Variants in BBX observed in about 807,000 individuals in gnomAD.
The protein encoded by BBX is BBX high mobility group box domain containing, also known as HMG box transcription factor BBX.
Under a neutral mutation model 100.2 loss-of-function variants are expected in BBX, and 30 were observed. The ratio of observed to expected loss-of-function variants is 0.30; its 90% CI spans 0.22 to 0.41. The LOEUF (loss-of-function observed/expected upper bound fraction) is 0.41. Ranked by LOEUF, BBX falls within the 10% of genes least tolerant of loss-of-function variation. BBX has a pLI of 1.00. For synonymous variants in BBX, 376 were observed against 388.1 expected, an observed-to-expected ratio of 0.97 and a Z score of 0.37; for missense variants, 1,023 against 1,129.8, an observed-to-expected ratio of 0.91 and a Z score of 1.35.
chr3:107,732,525 G>A (rs553596678), intron 6 of BBX, among the ~76,000 whole-genome samples: 50 of 152,170 alleles, frequency 3.3e-4, no homozygotes, highest in African/African-American at 1.2e-3. Context: ...TTCTCTGATA[G>A]CCTATTATTT....
intron 2 of BBX, among the ~76,000 whole-genome samples, chr3:107,582,226 A>G (rs2052335429): frequency 6.9e-6 from 1 of 144,584 alleles, no homozygotes; most frequent in Admixed American, 6.7e-5. Context: ...TTTTGAAAAT[A>G]TTTGGAAAAA....
At chr3:107,639,395 A>T (rs2057058013) in intron 2 of BBX, among the ~76,000 whole-genome samples, 1 of 152,140 alleles carries the variant, frequency 6.6e-6, no homozygotes, top group African/African-American at 2.4e-5. Context: ...TCTGAGGGGT[A>T]TCCCATGGGG....
At chr3:107,544,113 C>T (rs1340003767) in intron 2 of BBX, among the ~76,000 whole-genome samples, 1 of 152,080 alleles carries the variant, frequency 6.6e-6, no homozygotes, top group African/African-American at 2.4e-5. Flanking sequence ...CTTCATATGC[C>T]TTATCAGAGT....
chr3:107,673,732 A>G (rs1307273531), intron 3 of BBX, among the ~76,000 whole-genome samples: 2 of 152,124 alleles, frequency 1.3e-5, no homozygotes, highest in Admixed American at 1.3e-4. Context: ...CTTATTCTGG[A>G]TAACATTTGA....
intron 3 of BBX, among the ~76,000 whole-genome samples, chr3:107,687,141 A>T (rs995120854): frequency 3.3e-5 from 5 of 152,192 alleles, no homozygotes; most frequent in Non-Finnish European, 5.9e-5. Context: ...GAAATGTTTA[A>T]AATGTCAGAA....
chr3:107,551,542 G>A (rs2049681598), intron 2 of BBX, among the ~76,000 whole-genome samples: 1 of 152,206 alleles, frequency 6.6e-6, no homozygotes, highest in Admixed American at 6.5e-5. Flanking sequence ...GTAAGAAGAG[G>A]CAATATAAAA....
intron 2 of BBX, among the ~76,000 whole-genome samples, chr3:107,549,688 G>C (rs1220920746): frequency 6.6e-6 from 1 of 152,132 alleles, no homozygotes; most frequent in Non-Finnish European, 1.5e-5. Context: ...TGGTACTCTG[G>C]ATGGCTTTCT....
At chr3:107,589,296 C>G (rs1175889950) in intron 2 of BBX, among the ~76,000 whole-genome samples, 1 of 152,130 alleles carries the variant, frequency 6.6e-6, no homozygotes, top group Non-Finnish European at 1.5e-5. Context: ...GTATTTGGTT[C>G]TTTACCTCCG....
intron 3 of BBX, among the ~76,000 whole-genome samples, chr3:107,664,203 A>G (rs968953782): frequency 2.0e-5 from 3 of 152,126 alleles, no homozygotes; most frequent in Admixed American, 2.0e-4. Flanking sequence ...TTATGTACAT[A>G]TTACTTCTTC....
intron 3 of BBX, among the ~76,000 whole-genome samples, chr3:107,669,779 C>T (rs913297805): frequency 6.6e-5 from 10 of 152,040 alleles, no homozygotes; most frequent in African/African-American, 2.4e-5. Flanking sequence ...TATCTGTTTC[C>T]ATTGTCACCA....
At chr3:107,763,288 G>A (rs112981728) in intron 10 of BBX, among the ~76,000 whole-genome samples, 4,726 of 150,092 alleles carry the variant, frequency 0.031, 118 homozygotes, top group South Asian at 0.14. Context: ...GCGGTGGCGC[G>A]ATCTCGGCTC....
chr3:107,609,500 A>G (rs570767394), intron 2 of BBX, among the ~76,000 whole-genome samples: 1 of 152,172 alleles, frequency 6.6e-6, no homozygotes, highest in East Asian at 1.9e-4. Context: ...TGAAACCATC[A>G]GGTCCCAGGC....
intron 2 of BBX, among the ~76,000 whole-genome samples, chr3:107,586,745 G>A (rs2052869091): frequency 6.6e-6 from 1 of 151,932 alleles, no homozygotes; most frequent in South Asian, 2.1e-4. Flanking sequence ...GTAAGGAAGT[G>A]ATTCCACACT....
chr3:107,729,004 A>G (rs746939566), intron 6 of BBX, 44 bp downstream of exon 6: 9 of 1,576,252 alleles, frequency 5.7e-6, no homozygotes, highest in South Asian at 3.5e-5. Flanking sequence ...AGGACAGGGC[A>G]ATACATTTCG....
At position 107,606,397 on chromosome 3, in the gene BBX, G is replaced by A. The variant is rs374095127; in HGVS notation, c.-83-39439G>A. On this transcript the variant is annotated intron_variant, in intron 2 of 17. Coordinates refer to ENST00000325805, the MANE Select transcript of BBX (RefSeq NM_001142568.3). ...GAAGTACATTTAGTCAATCAGACTG[G>A]GCTATTCCTTCAGCCGTTTGGTTAA... is the stretch of plus-strand genomic sequence containing the variant. Among the ~76,000 whole-genome samples, 51 of 152,238 alleles carry A rather than the reference G, an allele frequency of 3.4e-4. No individual in the cohort carries two copies. In the East Asian group the frequency reaches 5.6e-3, roughly 17 times the overall value.
At chr3:107,594,147 T>C (rs1222249958) in intron 2 of BBX, among the ~76,000 whole-genome samples, 1 of 152,202 alleles carries the variant, frequency 6.6e-6, no homozygotes, top group Non-Finnish European at 1.5e-5. Context: ...TTTTTCTTTT[T>C]AGTATTCTTT....
intron 2 of BBX, among the ~76,000 whole-genome samples, chr3:107,631,789 T>G (rs187068742): frequency 5.9e-5 from 9 of 152,318 alleles, no homozygotes; most frequent in Non-Finnish European, 1.3e-4. Flanking sequence ...TTCTGCCTTG[T>G]GTCGTCTAAG....
At chr3:107,621,220 T>G (rs1576033427) in intron 2 of BBX, among the ~76,000 whole-genome samples, 1 of 152,134 alleles carries the variant, frequency 6.6e-6, no homozygotes, top group Non-Finnish European at 1.5e-5. Context: ...GGAGCTGGCT[T>G]TTTTGTCTGT....
chr3:107,762,051 C>T (rs2065942100), intron 10 of BBX, among the ~76,000 whole-genome samples: 1 of 152,152 alleles, frequency 6.6e-6, no homozygotes, highest in South Asian at 2.1e-4. Context: ...TGGTGGGTTT[C>T]TTTCCTTATC....
Sources: gnomAD v4.1 joint callset for allele counts (sites outside exome capture counted in the v4.1 genomes callset) on GRCh38, gnomAD v4.1.1 for gene constraint, MANE v1.5 for transcripts, NCBI Gene and HGNC (gene_info 2026-07-23, HGNC 2026-07-21) for gene names.